CSMD3: variants seen among roughly 807,000 people sequenced by gnomAD.
The protein encoded by CSMD3 is CUB and sushi domain-containing protein 3.
In CSMD3, 177 loss-of-function variants were observed where a neutral mutation model predicts 435.2. That is an observed-to-expected ratio of 0.41 (90% CI 0.36 to 0.46). CSMD3 has a LOEUF of 0.46. Ranked by LOEUF, CSMD3 falls within the 20% of genes least tolerant of loss-of-function variation. The probability of loss-of-function intolerance (pLI) is 0.34; values close to 1 mark genes in which losing one functional copy is unlikely to be tolerated. For missense variants in CSMD3, 4,265 were observed against 4,504.6 expected (o/e 0.95, Z 1.52); for synonymous variants, 1,656 against 1,520.5 (o/e 1.09, Z -2.07).
chr8:112,626,925 T>C (rs1834522603), intron 22 of CSMD3, among the ~76,000 whole-genome samples: 1 of 152,146 alleles, frequency 6.6e-6, no homozygotes, highest in African/African-American at 2.4e-5. Flanking sequence ...ACCGTTAATA[T>C]ATTTTCCTAG....
intron 15 of CSMD3, among the ~76,000 whole-genome samples, chr8:112,684,461 C>T (rs2075968972): frequency 6.6e-6 from 1 of 152,042 alleles, no homozygotes; most frequent in Admixed American, 6.6e-5. Flanking sequence ...GAGCTGGAAA[C>T]TAAATCCTTT....
intron 31 of CSMD3, among the ~76,000 whole-genome samples, chr8:112,480,441 T>C (rs140076481): frequency 6.4e-4 from 97 of 152,254 alleles, no homozygotes; most frequent in Non-Finnish European, 1.2e-3. Context: ...GGCAGAATGA[T>C]AGTGTTTGGA....
intron 30 of CSMD3, among the ~76,000 whole-genome samples, chr8:112,499,349 A>T (rs558534640): frequency 6.6e-6 from 1 of 152,152 alleles, no homozygotes; most frequent in African/African-American, 2.4e-5. Context: ...AAAAATGGCA[A>T]ATTAAGAATA....
At chr8:112,520,137 T>G (rs1452522477) in intron 27 of CSMD3, among the ~76,000 whole-genome samples, 1 of 152,024 alleles carries the variant, frequency 6.6e-6, no homozygotes, top group African/African-American at 2.4e-5. Flanking sequence ...TCAAATTGAA[T>G]AAAGACCAGC....
At chr8:112,571,734 T>C (rs973459649) in intron 24 of CSMD3, among the ~76,000 whole-genome samples, 2 of 151,846 alleles carry the variant, frequency 1.3e-5, no homozygotes, top group African/African-American at 4.8e-5. Flanking sequence ...CCAGGCATGG[T>C]GGCGGGTGCC....
intron 5 of CSMD3, 180 bp downstream of exon 5, chr8:113,098,576 T>C (rs1320172639): frequency 1.2e-5 from 7 of 595,014 alleles, no homozygotes; most frequent in Non-Finnish European, 2.1e-5. Flanking sequence ...ATTTCATCTA[T>C]TTTTTATGTA....
At chr8:112,428,336 G>T (rs920900543) in intron 32 of CSMD3, among the ~76,000 whole-genome samples, 1 of 152,066 alleles carries the variant, frequency 6.6e-6, no homozygotes, top group African/African-American at 2.4e-5. Context: ...ATATGTTAAA[G>T]ATGTATTCTT....
rs2085379794 is a variant in CSMD3 at position 112,989,651 on chromosome 8, C to A, written c.1031-13503G>T. On this transcript the variant is annotated intron_variant, in intron 6 of 70. Coordinates refer to ENST00000297405, the MANE Select transcript of CSMD3 (RefSeq NM_198123.2). ...TGACTAAGAGGTAGAGTAGGTGTGA[C>A]CCTACTAAGAGATGGAGTCTATTTC... is the stretch of plus-strand genomic sequence containing the variant. Among the ~76,000 whole-genome samples the A allele has an allele frequency of 2.6e-5, 4 of 151,902 alleles. No individual in the cohort carries two copies. The Admixed American group carries it at 2.6e-4, about 10-fold the overall frequency.
chr8:113,090,941 C>T (rs997607573), intron 5 of CSMD3, among the ~76,000 whole-genome samples: 1 of 151,794 alleles, frequency 6.6e-6, no homozygotes, highest in South Asian at 2.1e-4. Context: ...CATGATTTTG[C>T]CTCTTTCTTA....
chr8:113,339,313 T>C (rs919728572), intron 1 of CSMD3, among the ~76,000 whole-genome samples: 1 of 151,918 alleles, frequency 6.6e-6, no homozygotes, highest in African/African-American at 2.4e-5. Context: ...CAAATTTAAA[T>C]AAGTACATCA....
chr8:112,252,915 G>T (rs1815416762), intron 63 of CSMD3, among the ~76,000 whole-genome samples: 1 of 151,340 alleles, frequency 6.6e-6, no homozygotes, highest in South Asian at 2.1e-4. Flanking sequence ...TCAGGGTTAG[G>T]TTAACTTTGT....
intron 28 of CSMD3, among the ~76,000 whole-genome samples, chr8:112,510,345 T>C (rs76103013): frequency 0.016 from 2,429 of 152,322 alleles, 67 homozygotes; most frequent in African/African-American, 0.055. Context: ...ATACAGTCTT[T>C]CCAGTTTCAT....
intron 10 of CSMD3, among the ~76,000 whole-genome samples, chr8:112,917,408 T>C (rs970817592): frequency 6.6e-6 from 1 of 151,526 alleles, no homozygotes; most frequent in African/African-American, 2.4e-5. Flanking sequence ...CCTGGAGAGG[T>C]TGGCTTGGTC....
chr8:112,923,365 A>T (rs192480512), intron 9 of CSMD3, among the ~76,000 whole-genome samples: 1 of 152,174 alleles, frequency 6.6e-6, no homozygotes, highest in Admixed American at 6.6e-5. Context: ...TGCCGATGTG[A>T]TTTGGTCTCT....
At chr8:113,025,814 A>T (rs2086855675) in intron 5 of CSMD3, among the ~76,000 whole-genome samples, 1 of 152,136 alleles carries the variant, frequency 6.6e-6, no homozygotes, top group South Asian at 2.1e-4. Flanking sequence ...TGCCTGTTCC[A>T]TTGGAGCAGG....
intron 5 of CSMD3, among the ~76,000 whole-genome samples, chr8:113,087,972 C>T (rs1259226061): frequency 4.4e-4 from 66 of 150,436 alleles, no homozygotes; most frequent in Non-Finnish European, 8.4e-4. Flanking sequence ...TGACAAAGGG[C>T]TAATATCCAG....
At chr8:112,654,060 G>A (rs1165200454) in intron 18 of CSMD3, among the ~76,000 whole-genome samples, 6 of 152,062 alleles carry the variant, frequency 3.9e-5, no homozygotes, top group Non-Finnish European at 2.9e-5. Context: ...GAAACCTGGA[G>A]TACAAACAAT....
Position 112,938,020 on chromosome 8 carries a change from A to G in CSMD3, c.1508+9770T>C, listed in dbSNP as rs145970064. ...AATTGGTTCATTCTTGCCATACCCA[A>G]CTAAAACAGTCGAGAAGCCAGGGGG... On this transcript the variant is annotated intron_variant, in intron 9 of 70. Transcript: ENST00000297405. Among the ~76,000 whole-genome samples the G allele has an allele frequency of 6.7e-3, 1,016 of 152,272 alleles. 9 individuals are homozygous for G. The highest frequency in any genetic ancestry group is 0.022 in the African/African-American group (916 of 41,556).
chr8:112,987,755 T>C (rs2085308047), intron 6 of CSMD3, among the ~76,000 whole-genome samples: 1 of 152,226 alleles, frequency 6.6e-6, no homozygotes, highest in African/African-American at 2.4e-5. Flanking sequence ...TTCTTTTCCA[T>C]CACCTCCTTT....
Sources: allele counts gnomAD v4.1 joint callset (sites outside exome capture counted in the v4.1 genomes callset), GRCh38; gene constraint gnomAD v4.1.1; transcripts MANE v1.5; gene names NCBI Gene and HGNC (gene_info 2026-07-23, HGNC 2026-07-21).